QTMAN: variants seen among roughly 807,000 people sequenced by gnomAD.
QTMAN encodes tRNA-queuosine alpha-mannosyltransferase.
chr2:143,999,769 T>A, the QTMAN span, among the ~76,000 whole-genome samples: 5 of 152,130 alleles, frequency 3.3e-5, no homozygotes, highest in Admixed American at 2.6e-4. Flanking sequence ...TGAAGATGAC[T>A]GTCATAAGCA....
At chr2:144,247,739 T>C in the QTMAN span, among the ~76,000 whole-genome samples, 1 of 152,166 alleles carries the variant, frequency 6.6e-6, no homozygotes, top group Non-Finnish European at 1.5e-5. Context: ...AGTGGCACAA[T>C]TTCAGTTCAC....
chr2:144,225,037 T>C, the QTMAN span, among the ~76,000 whole-genome samples: 1 of 152,280 alleles, frequency 6.6e-6, no homozygotes, highest in South Asian at 2.1e-4. Flanking sequence ...TTAGCTCACA[T>C]AACTATTCAA....
At chr2:144,307,085 C>T in the QTMAN span, among the ~76,000 whole-genome samples, 10 of 138,676 alleles carry the variant, frequency 7.2e-5, no homozygotes, top group African/African-American at 2.1e-4. Context: ...CACTTGAACC[C>T]GGAAGGCAGA....
chr2:143,975,746 TAA>T, the QTMAN span, among the ~76,000 whole-genome samples: 1 of 152,168 alleles, frequency 6.6e-6, no homozygotes. Context: ...GGATTAATTT[TAA>T]AGAGTGATGC....
chr2:144,072,307 T>C, the QTMAN span, among the ~76,000 whole-genome samples: 1 of 152,202 alleles, frequency 6.6e-6, no homozygotes, highest in Admixed American at 6.5e-5. Flanking sequence ...GGTTTCACTG[T>C]AGCAAATCCC....
the QTMAN span, among the ~76,000 whole-genome samples, chr2:144,301,057 A>C: frequency 6.6e-6 from 1 of 152,220 alleles, no homozygotes; most frequent in Non-Finnish European, 1.5e-5. Context: ...TTTTTTTCCT[A>C]GCCAATTGCA....
the QTMAN span, among the ~76,000 whole-genome samples, chr2:144,137,131 G>A: frequency 6.6e-6 from 1 of 152,180 alleles, no homozygotes; most frequent in African/African-American, 2.4e-5. Context: ...CACAGCTCAT[G>A]CACATCTTAA....
the QTMAN span, among the ~76,000 whole-genome samples, chr2:144,177,493 T>G: frequency 6.6e-6 from 1 of 152,094 alleles, no homozygotes; most frequent in Non-Finnish European, 1.5e-5. Flanking sequence ...TAGAAATAGA[T>G]ACAAATGCAT....
At chr2:144,104,152 T>C in the QTMAN span, among the ~76,000 whole-genome samples, 1 of 151,352 alleles carries the variant, frequency 6.6e-6, no homozygotes, top group South Asian at 2.1e-4. Context: ...CAAATAGGAA[T>C]AGGTCCAGTC....
chr2:143,957,664 G>C, the QTMAN span, among the ~76,000 whole-genome samples: 1 of 152,108 alleles, frequency 6.6e-6, no homozygotes, highest in Non-Finnish European at 1.5e-5. Context: ...AAAGAATTAA[G>C]CTAATGGAGA....
chr2:144,114,439 G>T, the QTMAN span, among the ~76,000 whole-genome samples: 2,495 of 152,106 alleles, frequency 0.016, 66 homozygotes, highest in African/African-American at 0.057. Context: ...AGTGATATGG[G>T]GTGCTCCAAG....
chr2:144,069,552 T>C, the QTMAN span, among the ~76,000 whole-genome samples: 1 of 152,098 alleles, frequency 6.6e-6, no homozygotes, highest in African/African-American at 2.4e-5. Context: ...AACACATTTA[T>C]GTCAGAAAAA....
the QTMAN span, among the ~76,000 whole-genome samples, chr2:144,308,397 C>A: frequency 6.6e-6 from 1 of 151,916 alleles, no homozygotes; most frequent in South Asian, 2.1e-4. Flanking sequence ...TAACTCCTGA[C>A]CTTGTGATCC....
chr2:144,130,319 G>C, the QTMAN span, among the ~76,000 whole-genome samples: 2 of 151,878 alleles, frequency 1.3e-5, no homozygotes, highest in Non-Finnish European at 2.9e-5. Context: ...ACATAGAAAA[G>C]TACTTGGATC....
chr2:144,186,685 T>C, the QTMAN span, among the ~76,000 whole-genome samples: 1 of 152,210 alleles, frequency 6.6e-6, no homozygotes, highest in African/African-American at 2.4e-5. Flanking sequence ...ATATTATTAA[T>C]TTAGTCATCC....
chr2:144,126,466 T>A, the QTMAN span, among the ~76,000 whole-genome samples: 1 of 152,008 alleles, frequency 6.6e-6, no homozygotes, highest in Non-Finnish European at 1.5e-5. Context: ...GTTATGATTG[T>A]GGTTTGACTG....
the QTMAN span, among the ~76,000 whole-genome samples, chr2:144,023,825 G>A: frequency 6.6e-6 from 1 of 152,086 alleles, no homozygotes; most frequent in Non-Finnish European, 1.5e-5. Flanking sequence ...ATTATTCAAT[G>A]GAGTTCTCAT....
chr2:144,271,812 C>T, the QTMAN span, among the ~76,000 whole-genome samples: 43 of 152,080 alleles, frequency 2.8e-4, no homozygotes, highest in African/African-American at 9.7e-4. Flanking sequence ...GAAAATGAAA[C>T]GAACTATTCC....
chr2:144,139,848 T>C, the QTMAN span, among the ~76,000 whole-genome samples: 177 of 152,224 alleles, frequency 1.2e-3, 1 homozygote, highest in Middle Eastern at 0.01. Flanking sequence ...TTATATTATA[T>C]AGCGCAATGA....
Sources: gnomAD v4.1 joint callset for allele counts (sites outside exome capture counted in the v4.1 genomes callset) on GRCh38, gnomAD v4.1.1 for gene constraint, MANE v1.5 for transcripts, NCBI Gene and HGNC (gene_info 2026-07-23, HGNC 2026-07-21) for gene names.